IFT25: variants seen among roughly 807,000 people sequenced by gnomAD.
The protein encoded by IFT25 is intraflagellar transport protein 25 homolog.
chr1:53,942,026 C>T, the IFT25 span, among the ~76,000 whole-genome samples: 2 of 152,174 alleles, frequency 1.3e-5, no homozygotes, highest in Non-Finnish European at 2.9e-5. Flanking sequence ...TTGTGGAGGA[C>T]TTCTATCCTT....
the IFT25 span, chr1:53,929,906 C>T: frequency 2.1e-5 from 27 of 1,310,272 alleles, no homozygotes; most frequent in African/African-American, 1.7e-4. Context: ...TAAAGAAAAA[C>T]TAGTGTTTTG....
chr1:53,923,857 T>C, the IFT25 span: 1 of 1,126,654 alleles, frequency 8.9e-7, no homozygotes, highest in East Asian at 2.4e-5. Context: ...AAAGTCTAAA[T>C]ACATTGTGCA....
chr1:53,918,457 T>C, the IFT25 span, among the ~76,000 whole-genome samples: 1 of 152,200 alleles, frequency 6.6e-6, no homozygotes, highest in Non-Finnish European at 1.5e-5. Flanking sequence ...GGGTCTCACA[T>C]AGGCAATCAA....
At chr1:53,944,696 G>A in the IFT25 span, among the ~76,000 whole-genome samples, 28 of 152,248 alleles carry the variant, frequency 1.8e-4, no homozygotes, top group Admixed American at 3.3e-4. Context: ...CACCCCTTTA[G>A]AGCAAGGCAA....
chr1:53,922,022 G>A, the IFT25 span, among the ~76,000 whole-genome samples: 1 of 152,226 alleles, frequency 6.6e-6, no homozygotes, highest in Non-Finnish European at 1.5e-5. Flanking sequence ...TGCCCAGGCT[G>A]GTCTTGAACT....
the IFT25 span, chr1:53,928,739 C>G: frequency 3.5e-6 from 1 of 283,514 alleles, no homozygotes; most frequent in Non-Finnish European, 6.6e-6. Flanking sequence ...TATTGGTGGT[C>G]TTGGTCATAA....
chr1:53,944,336 A>C, the IFT25 span, among the ~76,000 whole-genome samples: 2 of 151,668 alleles, frequency 1.3e-5, no homozygotes, highest in South Asian at 2.1e-4. Flanking sequence ...AAACCCCAAA[A>C]CCCTCTCTAC....
chr1:53,912,076 G>A, the IFT25 span, among the ~76,000 whole-genome samples: 1 of 152,170 alleles, frequency 6.6e-6, no homozygotes, highest in Non-Finnish European at 1.5e-5. Flanking sequence ...TACTGAAAAT[G>A]AGAAGCTGTG....
the IFT25 span, among the ~76,000 whole-genome samples, chr1:53,926,674 T>C: frequency 6.6e-6 from 1 of 152,158 alleles, no homozygotes; most frequent in Non-Finnish European, 1.5e-5. Flanking sequence ...GTCTTTGACT[T>C]ACTGAAGAGA....
the IFT25 span, chr1:53,928,508 T>C: frequency 2.6e-6 from 3 of 1,168,020 alleles, 1 homozygote; most frequent in African/African-American, 3.0e-5. Flanking sequence ...TATTTCTTTT[T>C]CCCTCTGCCT....
At chr1:53,946,160 C>G in the IFT25 span, 1 of 152,406 alleles carries the variant, frequency 6.6e-6, no homozygotes, top group Non-Finnish European at 1.5e-5. Flanking sequence ...CTACCCTCCC[C>G]CAGCTCAGCT....
the IFT25 span, among the ~76,000 whole-genome samples, chr1:53,930,554 G>GT: frequency 9.8e-3 from 1,466 of 149,224 alleles, 24 homozygotes; most frequent in African/African-American, 0.032. Flanking sequence ...CATTCATGAG[G>GT]TTTTTTTTTT....
At chr1:53,921,654 T>A in the IFT25 span, 1 of 1,567,222 alleles carries the variant, frequency 6.4e-7, no homozygotes. Context: ...GTTATCATTA[T>A]GAGGAAAGAT....
At chr1:53,925,402 T>C in the IFT25 span, among the ~76,000 whole-genome samples, 43 of 152,062 alleles carry the variant, frequency 2.8e-4, no homozygotes, top group African/African-American at 9.9e-4. Flanking sequence ...GGCTCACACC[T>C]GTAATCCCAG....
chr1:53,926,529 TTAATA>T, the IFT25 span, among the ~76,000 whole-genome samples: 870 of 152,326 alleles, frequency 5.7e-3, 4 homozygotes, highest in African/African-American at 0.02. Context: ...AAATAGTGGT[TTAATA>T]TAATATGAAA....
At chr1:53,917,231 A>T in the IFT25 span, 5 of 152,302 alleles carry the variant, frequency 3.3e-5, no homozygotes, top group African/African-American at 9.7e-5. Context: ...ATACTCCTAC[A>T]ATGAACCTCC....
At chr1:53,937,015 A>G in the IFT25 span, among the ~76,000 whole-genome samples, 1 of 152,194 alleles carries the variant, frequency 6.6e-6, no homozygotes, top group Non-Finnish European at 1.5e-5. Context: ...ACAGGGCCAT[A>G]AAACAATATT....
the IFT25 span, among the ~76,000 whole-genome samples, chr1:53,915,218 T>C: frequency 2.0e-5 from 3 of 152,312 alleles, no homozygotes. Flanking sequence ...GATACAGTCA[T>C]GAGCAGAAGC....
the IFT25 span, among the ~76,000 whole-genome samples, chr1:53,926,064 T>C: frequency 7.1e-6 from 1 of 140,216 alleles, no homozygotes; most frequent in Admixed American, 7.6e-5. Context: ...ATTGCGCCAC[T>C]GCACTCCAGT....
Sources: gnomAD v4.1 joint callset for allele counts (sites outside exome capture counted in the v4.1 genomes callset) on GRCh38, gnomAD v4.1.1 for gene constraint, MANE v1.5 for transcripts, NCBI Gene and HGNC (gene_info 2026-07-23, HGNC 2026-07-21) for gene names.